ACVR1: variants seen among roughly 807,000 people sequenced by gnomAD.
ACVR1 encodes the protein activin A receptor type 1, also known as activin receptor type-1.
Under a neutral mutation model 57.1 loss-of-function variants are expected in ACVR1, and 38 were observed. That is an observed-to-expected ratio of 0.67 (90% confidence interval 0.51 to 0.87). The LOEUF (loss-of-function observed/expected upper bound fraction) is 0.87, where lower values mean the gene tolerates loss of function less well. Among genes scored for constraint, ACVR1 ranks in the 40% least tolerant of loss-of-function variants. The pLI, the probability that ACVR1 is intolerant of heterozygous loss-of-function variation, is 0.00. For synonymous variants in ACVR1, 212 were observed against 228.1 expected, an observed-to-expected ratio of 0.93 and a Z score of 0.63; for missense variants, 463 against 638.2, an observed-to-expected ratio of 0.73 and a Z score of 2.96.
At chr2:157,871,149 G>A (rs913197545) in intron 1 of ACVR1, among the ~76,000 whole-genome samples, 6 of 152,220 alleles carry the variant, frequency 3.9e-5, no homozygotes, top group Non-Finnish European at 5.9e-5. Context: ...GCAATGACTT[G>A]TGTAGAAAGA....
At chr2:157,798,589 G>A (rs990583644) in intron 3 of ACVR1, among the ~76,000 whole-genome samples, 4 of 151,974 alleles carry the variant, frequency 2.6e-5, no homozygotes, top group African/African-American at 9.7e-5. Context: ...GTGCAGTGGT[G>A]TGATTTCAGC....
At chr2:157,792,953 T>A (rs1183711817) in intron 3 of ACVR1, among the ~76,000 whole-genome samples, 4 of 152,242 alleles carry the variant, frequency 2.6e-5, no homozygotes, top group African/African-American at 9.6e-5. Context: ...ACATTCTGTA[T>A]GGAATCTTGC....
intron 2 of ACVR1, among the ~76,000 whole-genome samples, chr2:157,800,757 G>A (rs1462820181): frequency 6.6e-6 from 1 of 152,004 alleles, no homozygotes; most frequent in Non-Finnish European, 1.5e-5. Context: ...TCCTATAGTG[G>A]ATCCTTTTGG....
intron 3 of ACVR1, among the ~76,000 whole-genome samples, chr2:157,790,696 T>C (rs1241739619): frequency 6.6e-6 from 1 of 152,222 alleles, no homozygotes; most frequent in Non-Finnish European, 1.5e-5. Flanking sequence ...GTTGCTACAG[T>C]TGGGATGCCT....
chr2:157,764,700 A>G (rs1685798534), intron 8 of ACVR1, among the ~76,000 whole-genome samples: 1 of 152,134 alleles, frequency 6.6e-6, no homozygotes, highest in Non-Finnish European at 1.5e-5. Flanking sequence ...ATACAGGGTA[A>G]TTGAGAAAGC....
intron 1 of ACVR1, among the ~76,000 whole-genome samples, chr2:157,822,561 T>C (rs564172720): frequency 6.6e-6 from 1 of 152,224 alleles, no homozygotes; most frequent in African/African-American, 2.4e-5. Context: ...TCCAAAAACA[T>C]TGTTAAATGG....
chr2:157,849,847 A>C (rs1355392803), intron 1 of ACVR1, among the ~76,000 whole-genome samples: 2 of 152,078 alleles, frequency 1.3e-5, no homozygotes, highest in African/African-American at 4.8e-5. Context: ...TTAACCTCCT[A>C]CCCAGGTGTC....
At chr2:157,790,320 C>T (rs1686865299) in intron 3 of ACVR1, 1 of 152,246 alleles carries the variant, frequency 6.6e-6, no homozygotes, top group Non-Finnish European at 1.5e-5. Context: ...ACCTTCACAG[C>T]TGCCAGGGCA....
In ACVR1 at chr2:157,778,142, T is replaced by G. The variant is rs759844485; in HGVS notation, c.532A>C (p.Ser178Arg). 32 of 1,613,834 alleles carry G rather than the reference T, an allele frequency of 2.0e-5. No individual in the cohort carries two copies. Among genetic ancestry groups the G allele is most frequent in the Non-Finnish European group, 2.7e-5 (32 of 1,179,856 alleles). Residue 178 changes from serine (S) to arginine (R), a missense_variant, in exon 5 of 11, where the codon AGC (serine) becomes CGC (arginine). This residue lies in a region of ACVR1 where 203 missense variants were observed against 235.5 expected (regional missense o/e 0.86). Transcript: ENST00000434821. ...GGGTCATGACTTACTGCTAAAGTGC[T>G]GTCTCCAACATTGGTGGTGATGAGC... ...EGLITTNVGDSTLADLLDHSC... is the reference protein window; with the variant it reads ...EGLITTNVGDRTLADLLDHSC...
rs527864616 is a variant in ACVR1 at position 157,815,268 on chromosome 2, A to AG, written c.-8+3116dup. 1.2e-4 allele frequency among the ~76,000 whole-genome samples: 18 copies of AG among 152,314 alleles called. No homozygotes were observed. The East Asian group carries it at 3.3e-3, about 28-fold the overall frequency. On this transcript the variant is annotated intron_variant, in intron 2 of 10. Transcript: ENST00000434821. The stretch of plus-strand genomic sequence containing the variant: ...TTATATATACTCTGAAATCACTGAA[A>AG]GAATACACAAGAAAATGGTAATACA...
At chr2:157,751,571 T>G (rs1685194063) in intron 9 of ACVR1, among the ~76,000 whole-genome samples, 1 of 152,222 alleles carries the variant, frequency 6.6e-6, no homozygotes, top group Non-Finnish European at 1.5e-5. Flanking sequence ...TCAGCCCTGC[T>G]GGCCCACTGC....
intron 1 of ACVR1, among the ~76,000 whole-genome samples, chr2:157,855,308 G>GTGTATA (rs1307480066): frequency 1.5e-3 from 75 of 51,648 alleles, no homozygotes; most frequent in Middle Eastern, 0.04. Flanking sequence ...GTGTGTGTGT[G>GTGTATA]TATATATATA....
intron 2 of ACVR1, among the ~76,000 whole-genome samples, chr2:157,813,611 A>G (rs1010016134): frequency 2.0e-5 from 3 of 152,194 alleles, no homozygotes; most frequent in Admixed American, 1.3e-4. Context: ...AGCAACTCAG[A>G]TATGACCATG....
At chr2:157,847,245 T>C (rs1479782580) in intron 1 of ACVR1, among the ~76,000 whole-genome samples, 1 of 152,228 alleles carries the variant, frequency 6.6e-6, no homozygotes, top group South Asian at 2.1e-4. Context: ...ATTCAAAACT[T>C]CAATTTCCTT....
intron 2 of ACVR1, among the ~76,000 whole-genome samples, chr2:157,802,636 C>A (rs1353079546): frequency 6.6e-6 from 1 of 152,120 alleles, no homozygotes; most frequent in Non-Finnish European, 1.5e-5. Context: ...CTACTCATCC[C>A]GTAAGTCTCA....
intron 6 of ACVR1, among the ~76,000 whole-genome samples, chr2:157,771,147 T>G (rs912597122): frequency 6.6e-6 from 1 of 152,222 alleles, no homozygotes; most frequent in Non-Finnish European, 1.5e-5. Context: ...TGGCGGAAGA[T>G]GTATTTCAAA....
At chr2:157,764,763 A>G (rs1214334291) in intron 8 of ACVR1, among the ~76,000 whole-genome samples, 1 of 152,178 alleles carries the variant, frequency 6.6e-6, no homozygotes, top group Non-Finnish European at 1.5e-5. Flanking sequence ...ATAAGCCATA[A>G]AAGTCCTCTA....
At chr2:157,855,372 C>T (rs1225418443) in intron 1 of ACVR1, among the ~76,000 whole-genome samples, 1 of 140,864 alleles carries the variant, frequency 7.1e-6, no homozygotes, top group Non-Finnish European at 1.5e-5. Flanking sequence ...TGGTGGCTTT[C>T]ATCTGTGGTC....
Position 157,780,411 on chromosome 2 carries a change from G to A in ACVR1, c.257C>T (p.Ser86Phe), listed in dbSNP as rs773459224. The change falls in exon 4 of 11, where the codon TCC becomes TTC. Residue 86 changes from serine to phenylalanine, a missense_variant. Coordinates refer to ENST00000434821, the MANE Select transcript of ACVR1 (RefSeq NM_001111067.4). ...GCAGCACTCCACGGCTTGGCCAGGG[G>A]ACGGCGGGGTCTTACAGGTCATCTT... Reference protein sequence around the residue: ...QGKMTCKTPPSPGQAVECCQG... With the variant: ...QGKMTCKTPPFPGQAVECCQG... 6.2e-7 allele frequency: 1 copy of A among 1,614,198 alleles called. No homozygotes were observed. The highest frequency in any genetic ancestry group is 2.2e-5 in the East Asian group (1 of 44,876).
Sources: gnomAD v4.1 joint callset for allele counts (sites outside exome capture counted in the v4.1 genomes callset) on GRCh38, gnomAD v4.1.1 for gene constraint, gnomAD v4.1.1 regional missense constraint, MANE v1.5 for transcripts, NCBI Gene and HGNC (gene_info 2026-07-23, HGNC 2026-07-21) for gene names.